The following PEBP4 variants were observed in gnomAD, a reference collection of about 807,000 sequenced individuals.
The protein encoded by PEBP4 is phosphatidylethanolamine-binding protein 4.
A neutral mutation model predicts 23.9 loss-of-function variants in PEBP4; 22 were observed. That is an observed-to-expected ratio of 0.92 (90% CI 0.66 to 1.31). The LOEUF (loss-of-function observed/expected upper bound fraction) is 1.31. Among genes scored for constraint, PEBP4 ranks in the 40% most tolerant of loss-of-function variants. The pLI, the probability that PEBP4 is intolerant of heterozygous loss-of-function variation, is 0.00. For missense variants in PEBP4, 324 were observed against 281.7 expected, an observed-to-expected ratio of 1.15 and a Z score of -1.07; for synonymous variants, 112 against 99.3, an observed-to-expected ratio of 1.13 and a Z score of -0.76.
At chr8:22,827,377 T>C (rs935026013) in intron 3 of PEBP4, among the ~76,000 whole-genome samples, 1 of 152,230 alleles carries the variant, frequency 6.6e-6, no homozygotes, top group Admixed American at 6.5e-5. Flanking sequence ...TTTTGTACCA[T>C]GTATGCAGTC....
rs372782636 is a variant in PEBP4 at position 22,773,408 on chromosome 8, C to T, written c.357+44229G>A. 2.8e-4 allele frequency among the ~76,000 whole-genome samples: 43 copies of T among 152,194 alleles called. No homozygotes were observed. In the South Asian group the frequency reaches 8.1e-3, roughly 29 times the overall value. ...GCAGGGCACAAAGCTGGAGGAGACC[C>T]GTGACCCCAGGGAAGAAAGGCGGGG... is the stretch of plus-strand genomic sequence containing the variant. On this transcript the variant is annotated intron_variant, in intron 4 of 6. Transcript: ENST00000256404.
intron 4 of PEBP4, among the ~76,000 whole-genome samples, chr8:22,808,830 T>A (rs1806555488): frequency 6.6e-6 from 1 of 152,244 alleles, no homozygotes; most frequent in African/African-American, 2.4e-5. Flanking sequence ...TAACATGTAC[T>A]CACCAGATTT....
chr8:22,861,143 T>C (rs149285836), intron 3 of PEBP4, among the ~76,000 whole-genome samples: 4 of 152,342 alleles, frequency 2.6e-5, no homozygotes, highest in African/African-American at 4.8e-5. Context: ...GCCAGAGCTG[T>C]TACTTGGTTT....
rs114322963 is a variant in PEBP4, at chr8:22,815,854, C to T, written c.357+1783G>A. Among the ~76,000 whole-genome samples, 1,024 of 152,188 alleles carry T rather than the reference C, an allele frequency of 6.7e-3. 5 individuals are homozygous for T. The highest frequency in any genetic ancestry group is 0.016 in the African/African-American group (658 of 41,520). On this transcript the variant is annotated intron_variant, in intron 4 of 6. Coordinates refer to ENST00000256404, the MANE Select transcript of PEBP4 (RefSeq NM_144962.3). ...ATGGGGGTAAGGGGAGTGCAGGAGT[C>T]GGGGGTCTTCAGGCTTGGAAGAGAG... is the stretch of plus-strand genomic sequence containing the variant.
intron 4 of PEBP4, among the ~76,000 whole-genome samples, chr8:22,742,513 G>A (rs1054281993): frequency 6.6e-6 from 1 of 152,218 alleles, no homozygotes; most frequent in African/African-American, 2.4e-5. Flanking sequence ...TTGTCACTGG[G>A]TGTTTCCTAT....
At chr8:22,768,660 T>C (rs1805656449) in intron 4 of PEBP4, among the ~76,000 whole-genome samples, 1 of 144,410 alleles carries the variant, frequency 6.9e-6, no homozygotes, top group South Asian at 2.2e-4. Context: ...TTTGAGGCAA[T>C]GGTTCAGGGA....
chr8:22,728,234 G>C (rs1451794070), intron 4 of PEBP4, among the ~76,000 whole-genome samples: 2 of 152,138 alleles, frequency 1.3e-5, no homozygotes, highest in African/African-American at 2.4e-5. Flanking sequence ...CAATCCCCTA[G>C]CTTGAGGTTT....
chr8:22,831,739 G>A (rs150633645), intron 3 of PEBP4, among the ~76,000 whole-genome samples: 8 of 152,268 alleles, frequency 5.3e-5, no homozygotes, highest in African/African-American at 9.6e-5. Context: ...GGATGCTACC[G>A]CTGAGCTGGT....
chr8:22,810,666 A>AGG lies in PEBP4; in HGVS notation c.357+6969_357+6970dup, dbSNP rs1218384287. Among the ~76,000 whole-genome samples, 42 of 96,230 alleles carry AGG rather than the reference A, an allele frequency of 4.4e-4. No individual in the cohort carries two copies. The East Asian group carries it at 8.0e-3, about 18-fold the overall frequency. The allele number at this position is 96,230 out of a possible 152,430, so 63.1% of individuals were successfully genotyped here. A position where few individuals can be genotyped will look rare whatever the true frequency, so the allele number is the denominator to read the frequency against. Reference sequence around the variant, plus strand: ...CTGTTCCCTTTGGGGTGTCTCATGGAGGGGTGTGTGTGTGTGTGTGTGTGT... The same window carrying AGG: ...CTGTTCCCTTTGGGGTGTCTCATGGAGGGGGGTGTGTGTGTGTGTGTGTGTGT... On this transcript the variant is annotated intron_variant, in intron 4 of 6. Coordinates refer to ENST00000256404, the MANE Select transcript of PEBP4 (RefSeq NM_144962.3).
At chr8:22,937,023 C>G (rs1421194665) in intron 1 of PEBP4, among the ~76,000 whole-genome samples, 1 of 152,132 alleles carries the variant, frequency 6.6e-6, no homozygotes, top group Non-Finnish European at 1.5e-5. Context: ...AAGTTTTCCT[C>G]TAAGATCAGG....
chr8:22,874,859 G>A (rs1403214254), intron 3 of PEBP4, among the ~76,000 whole-genome samples: 1 of 152,150 alleles, frequency 6.6e-6, no homozygotes, highest in Admixed American at 6.5e-5. Flanking sequence ...GCAACATGAG[G>A]CATCAGCTTT....
Position 22,775,090 on chromosome 8 carries a change from C to A in PEBP4, c.357+42547G>T, listed in dbSNP as rs1805788725. Among the ~76,000 whole-genome samples, 1 of 152,236 alleles carries A rather than the reference C, an allele frequency of 6.6e-6. No individual in the cohort carries two copies. The highest frequency in any genetic ancestry group is 2.1e-4 in the South Asian group (1 of 4,832). On this transcript the variant is annotated intron_variant, in intron 4 of 6. Transcript: ENST00000256404. The surrounding 1 kb of genome is among the most constrained non-coding windows in gnomAD (Gnocchi z 4.8). Reference sequence around the variant, plus strand: ...TCTGCATTAAGTTAGCCATGTGATACATTTTCCGTTGCCTCTCTGGCATCA... The same window carrying A: ...TCTGCATTAAGTTAGCCATGTGATAAATTTTCCGTTGCCTCTCTGGCATCA...
chr8:22,756,902 G>A (rs1192939822), intron 4 of PEBP4: 1 of 152,208 alleles, frequency 6.6e-6, no homozygotes, highest in Non-Finnish European at 1.5e-5. Context: ...CAGGTTCCCT[G>A]GATGATGCTG....
intron 3 of PEBP4, among the ~76,000 whole-genome samples, chr8:22,882,736 TA>T (rs1808290359): frequency 6.6e-6 from 1 of 152,138 alleles, no homozygotes; most frequent in Non-Finnish European, 1.5e-5. Context: ...ACAATTTGCT[TA>T]TGAAAACCTA....
intron 4 of PEBP4, among the ~76,000 whole-genome samples, chr8:22,749,706 T>A (rs896890603): frequency 6.6e-6 from 1 of 152,050 alleles, no homozygotes; most frequent in Non-Finnish European, 1.5e-5. Flanking sequence ...CCCCTGCCTT[T>A]TACAGAGGAG....
chr8:22,752,381 A>C (rs944411820), intron 4 of PEBP4, among the ~76,000 whole-genome samples: 2 of 152,240 alleles, frequency 1.3e-5, no homozygotes, highest in Admixed American at 1.3e-4. Flanking sequence ...TAGATACTTT[A>C]CCAAATAAAG....
intron 3 of PEBP4, among the ~76,000 whole-genome samples, chr8:22,912,889 G>C (rs1319033157): frequency 6.6e-6 from 1 of 152,146 alleles, no homozygotes; most frequent in Non-Finnish European, 1.5e-5. Context: ...GTCCTTGCCT[G>C]GGTGCTGCGC....
intron 4 of PEBP4, among the ~76,000 whole-genome samples, chr8:22,798,221 T>A (rs183687215): frequency 6.3e-4 from 96 of 152,280 alleles, no homozygotes; most frequent in African/African-American, 2.2e-3. Context: ...TGCTTTCACA[T>A]CCTGGAGCCT....
At chr8:22,882,143 G>T (rs1009491527) in intron 3 of PEBP4, among the ~76,000 whole-genome samples, 2 of 152,168 alleles carry the variant, frequency 1.3e-5, no homozygotes, top group Non-Finnish European at 2.9e-5. Flanking sequence ...CCTTTCCCCA[G>T]TTCTTCAGAG....
Sources: gnomAD v4.1 joint callset for allele counts (sites outside exome capture counted in the v4.1 genomes callset) on GRCh38, gnomAD v4.1.1 for gene constraint, Gnocchi (gnomAD v3.1) non-coding constraint, MANE v1.5 for transcripts, NCBI Gene and HGNC (gene_info 2026-07-23, HGNC 2026-07-21) for gene names.